ZDHHC21: variants seen among roughly 807,000 people sequenced by gnomAD.
ZDHHC21 encodes palmitoyltransferase ZDHHC21.
ZDHHC21 carries 15 observed loss-of-function variants against 34.6 expected under a neutral mutation model. The observed-to-expected ratio is 0.43, with a 90% confidence interval of 0.29 to 0.67. The LOEUF (loss-of-function observed/expected upper bound fraction) is 0.67, where lower values mean the gene tolerates loss of function less well. Among genes scored for constraint, ZDHHC21 ranks in the 30% least tolerant of loss-of-function variants. The probability of loss-of-function intolerance (pLI) is 0.14; values close to 1 mark genes in which losing one functional copy is unlikely to be tolerated. For missense variants in ZDHHC21, 344 were observed against 327.7 expected, an observed-to-expected ratio of 1.05 and a Z score of -0.38; for synonymous variants, 142 against 101.8, an observed-to-expected ratio of 1.40 and a Z score of -2.38.
intron 7 of ZDHHC21, among the ~76,000 whole-genome samples, chr9:14,650,102 G>A (rs1830964255): frequency 1.3e-5 from 2 of 152,002 alleles, no homozygotes; most frequent in Admixed American, 1.3e-4. Flanking sequence ...ACCTGGTGTT[G>A]TAGGACAGGA....
In ZDHHC21 at chr9:14,646,471, AAC is replaced by A. The variant is rs547306364; in HGVS notation, c.505-6461_505-6460del. On this transcript the variant is annotated intron_variant, in intron 7 of 9. Coordinates refer to ENST00000380916, the MANE Select transcript of ZDHHC21 (RefSeq NM_178566.6). ...AGTTAGTTATAAATGGCCTATAAAA[AAC>A]AGAGACAAAAATTTGTCAAATAAGA... 1.4e-4 allele frequency among the ~76,000 whole-genome samples: 22 copies of A among 152,316 alleles called. 1 individual carries two copies. In the South Asian group the frequency reaches 4.1e-3, roughly 29 times the overall value.
chr9:14,630,023 C>A (rs575658372), intron 8 of ZDHHC21, among the ~76,000 whole-genome samples: 5 of 152,028 alleles, frequency 3.3e-5, no homozygotes, highest in African/African-American at 1.2e-4. Flanking sequence ...GCCAGCCTGG[C>A]GACAGAGAGA....
intron 4 of ZDHHC21, among the ~76,000 whole-genome samples, chr9:14,673,794 G>A (rs780322026): frequency 2.6e-5 from 4 of 151,918 alleles, no homozygotes; most frequent in Non-Finnish European, 5.9e-5. Context: ...AATCAACTTC[G>A]TAATCAATAC....
At chr9:14,636,463 G>A (rs572177201) in intron 8 of ZDHHC21, among the ~76,000 whole-genome samples, 33 of 152,116 alleles carry the variant, frequency 2.2e-4, no homozygotes, top group African/African-American at 7.2e-4. Flanking sequence ...TAATAGTTGA[G>A]GACTTGGACA....
the ZDHHC21 span, among the ~76,000 whole-genome samples, chr9:14,597,376 C>A: frequency 4.6e-5 from 7 of 152,128 alleles, no homozygotes; most frequent in Non-Finnish European, 7.4e-5. Flanking sequence ...CAAGCAGTAT[C>A]CTACATCCCA....
At chr9:14,660,218 T>C (rs889971034) in intron 6 of ZDHHC21, among the ~76,000 whole-genome samples, 1 of 151,536 alleles carries the variant, frequency 6.6e-6, no homozygotes, top group South Asian at 2.1e-4. Context: ...ATACAAAAAT[T>C]AGCCAAGCAT....
At chr9:14,669,990 A>T (rs979477891) in intron 5 of ZDHHC21, among the ~76,000 whole-genome samples, 30 of 151,590 alleles carry the variant, frequency 2.0e-4, no homozygotes, top group African/African-American at 6.6e-4. Context: ...TGTACCCTAA[A>T]ACTTAAAGTA....
At chr9:14,610,023 G>T (rs1030312702), downstream of ZDHHC21, among the ~76,000 whole-genome samples, 3 of 150,138 alleles carry the variant, frequency 2.0e-5, no homozygotes, top group East Asian at 5.8e-4. Context: ...ATAAAATCAT[G>T]GGTCTCTAAA....
rs1001807945 is a variant in ZDHHC21, at chr9:14,616,160, A to T, written c.*2806T>A. ...TGTAGTTTTTTAGATATTCATTAAA[A>T]CACAGAAAATGCTTGGTTGTCTTTG... On this transcript the variant is annotated 3_prime_UTR_variant, in exon 10 of 10. Transcript: ENST00000380916. The T allele has an allele frequency of 6.6e-6, 1 of 151,784 alleles. No homozygotes were observed. Among genetic ancestry groups the T allele is most frequent in the South Asian group, 2.1e-4 (1 of 4,836 alleles). The allele number at this position is 151,784 out of a possible 1,614,324, so 9.4% of individuals were successfully genotyped here. A position where few individuals can be genotyped will look rare whatever the true frequency, so the allele number is the denominator to read the frequency against.
rs931326490 is a variant in ZDHHC21, at chr9:14,671,829, T to G, written c.253+1001A>C. 5.9e-5 allele frequency among the ~76,000 whole-genome samples: 9 copies of G among 152,230 alleles called. No homozygotes were observed. In the South Asian group the frequency reaches 1.9e-3, roughly 32 times the overall value. ...GTAAATTATACTCAATAAACCATTTTTAAACATAGTTAAGAACTTGAATAA... is the reference window on the plus strand; with the variant it reads ...GTAAATTATACTCAATAAACCATTTGTAAACATAGTTAAGAACTTGAATAA... On this transcript the variant is annotated intron_variant, in intron 5 of 9. Transcript: ENST00000380916.
At chr9:14,684,734 C>T (rs1838003665) in intron 2 of ZDHHC21, among the ~76,000 whole-genome samples, 1 of 152,006 alleles carries the variant, frequency 6.6e-6, no homozygotes, top group East Asian at 1.9e-4. Context: ...AAAAAGAACC[C>T]GCATTGCCAA....
chr9:14,680,554 T>C (rs543233174), intron 2 of ZDHHC21, among the ~76,000 whole-genome samples: 15 of 152,290 alleles, frequency 9.8e-5, no homozygotes, highest in African/African-American at 3.4e-4. Context: ...AGTTTTAATT[T>C]AAAATGCTTT....
At chr9:14,671,107 A>G (rs922851625) in intron 5 of ZDHHC21, among the ~76,000 whole-genome samples, 1 of 152,090 alleles carries the variant, frequency 6.6e-6, no homozygotes, top group African/African-American at 2.4e-5. Context: ...AAATCAAAAT[A>G]TAAAACAAAA....
At chr9:14,682,501 A>G (rs1010504935) in intron 2 of ZDHHC21, among the ~76,000 whole-genome samples, 1 of 152,238 alleles carries the variant, frequency 6.6e-6, no homozygotes, top group Non-Finnish European at 1.5e-5. Context: ...TATCCTAAAT[A>G]TAAATGCACC....
chr9:14,657,385 T>C (rs1246912412), intron 7 of ZDHHC21, among the ~76,000 whole-genome samples: 1 of 152,110 alleles, frequency 6.6e-6, no homozygotes, highest in Non-Finnish European at 1.5e-5. Flanking sequence ...TGGAAGAAAA[T>C]TACCATTCAG....
intron 6 of ZDHHC21, among the ~76,000 whole-genome samples, chr9:14,661,670 A>C (rs1564331765): frequency 6.6e-6 from 1 of 152,190 alleles, no homozygotes; most frequent in African/African-American, 2.4e-5. Flanking sequence ...ATTGACCAAA[A>C]CTGTTAGCAG....
In ZDHHC21 at chr9:14,619,049, T is replaced by G; in HGVS notation, c.715A>C (p.Thr239Pro). 6.2e-7 allele frequency: 1 copy of G among 1,612,044 alleles called. No individual in the cohort carries two copies. Among genetic ancestry groups the G allele is most frequent in the Non-Finnish European group, 8.5e-7 (1 of 1,178,970 alleles). ...WQQTFSEVFGTRWKILWFIPF... is the reference protein window; with the variant it reads ...WQQTFSEVFGPRWKILWFIPF... ...ATGAACCACAGGATCTTCCAACGAG[T>G]GCCAAAAACTTCTGAGAAGGTCTGC... Residue 239 changes from threonine to proline, a missense_variant, in exon 10 of 10, where the codon ACT becomes CCT. Physicochemically the swap from Thr to Pro is conservative, Grantham distance 38. Transcript: ENST00000380916.
chr9:14,614,112 GA>G lies in ZDHHC21; in HGVS notation c.*4853del, dbSNP rs1039761228. On this transcript the variant is annotated 3_prime_UTR_variant, in exon 10 of 10. Coordinates refer to ENST00000380916, the MANE Select transcript of ZDHHC21 (RefSeq NM_178566.6). ...ACAGCAAAGAGATTCTCTGATGTCAGAAACTGGCTCCAGTCAACTCTGTTGC... is the reference window on the plus strand; with the variant it reads ...ACAGCAAAGAGATTCTCTGATGTCAGAACTGGCTCCAGTCAACTCTGTTGC... 6.6e-6 allele frequency: 1 copy of G among 151,748 alleles called. No individual in the cohort carries two copies. The highest frequency in any genetic ancestry group is 2.4e-5 in the African/African-American group (1 of 41,396). 9.4% of individuals were successfully genotyped at this position (151,748 alleles called of 1,614,324 possible). A position where few individuals can be genotyped will look rare whatever the true frequency, so the allele number is the denominator to read the frequency against.
chr9:14,593,136 G>C, the ZDHHC21 span, among the ~76,000 whole-genome samples: 1 of 151,670 alleles, frequency 6.6e-6, no homozygotes, highest in African/African-American at 2.4e-5. Context: ...GAAATAGGGA[G>C]GAAATTAGAA....
Sources: gnomAD v4.1 joint callset for allele counts (sites outside exome capture counted in the v4.1 genomes callset) on GRCh38, gnomAD v4.1.1 for gene constraint, MANE v1.5 for transcripts, NCBI Gene and HGNC (gene_info 2026-07-23, HGNC 2026-07-21) for gene names.